Variants in FBN2 observed in about 807,000 individuals in gnomAD.
The protein encoded by FBN2 is fibrillin 2.
Under a neutral mutation model 355.6 loss-of-function variants are expected in FBN2, and 105 were observed. The ratio of observed to expected loss-of-function variants is 0.30; its 90% CI spans 0.25 to 0.35. The LOEUF is 0.35. Ranked by LOEUF, FBN2 falls within the 10% of genes least tolerant of loss-of-function variation. The pLI, the probability that FBN2 is intolerant of heterozygous loss-of-function variation, is 1.00. For synonymous variants in FBN2, 1,350 were observed against 1,301.2 expected (o/e 1.04, Z -0.81); for missense variants, 3,280 against 3,758.7 (o/e 0.87, Z 3.33).
intron 7 of FBN2, among the ~76,000 whole-genome samples, chr5:128,409,757 T>A (rs1032391301): frequency 6.6e-6 from 1 of 152,184 alleles, no homozygotes; most frequent in African/African-American, 2.4e-5. Flanking sequence ...AGATAATTAC[T>A]GAAAAGTCAA....
At chr5:128,519,870 G>A (rs1756383587) in intron 4 of FBN2, among the ~76,000 whole-genome samples, 1 of 151,538 alleles carries the variant, frequency 6.6e-6, no homozygotes, top group South Asian at 2.1e-4. Flanking sequence ...GGAAAAATCA[G>A]AGAAGAAAAG....
At chr5:128,434,422 A>T (rs866102750) in intron 7 of FBN2, among the ~76,000 whole-genome samples, 1 of 132,682 alleles carries the variant, frequency 7.5e-6, no homozygotes, top group Non-Finnish European at 1.5e-5. Context: ...ATATATATAT[A>T]TATGGGCAGT....
intron 7 of FBN2, among the ~76,000 whole-genome samples, chr5:128,431,934 A>C (rs1753638091): frequency 6.6e-6 from 1 of 152,184 alleles, no homozygotes; most frequent in Non-Finnish European, 1.5e-5. Context: ...GGAATTCACC[A>C]TTAAGATTTT....
At chr5:128,323,151 T>A (rs1179196483) in intron 34 of FBN2, among the ~76,000 whole-genome samples, 1 of 152,212 alleles carries the variant, frequency 6.6e-6, no homozygotes, top group Non-Finnish European at 1.5e-5. Flanking sequence ...CTTTAGGAGA[T>A]TTTGGGCCGA....
At chr5:128,288,994 G>C in intron 52 of FBN2, 133 bp downstream of exon 52, 1 of 868,700 alleles carries the variant, frequency 1.2e-6, no homozygotes, top group Non-Finnish European at 1.9e-6. Flanking sequence ...GACTGGTGAA[G>C]AAGGTGCCAC....
intron 3 of FBN2, among the ~76,000 whole-genome samples, chr5:128,530,286 T>TC (rs530363812): frequency 4.9e-4 from 75 of 152,232 alleles, no homozygotes; most frequent in African/African-American, 1.8e-3. Flanking sequence ...CTCCTCTCCT[T>TC]CCCCCTTAGA....
At chr5:128,299,203 G>A (rs866992172) in intron 48 of FBN2, among the ~76,000 whole-genome samples, 2 of 151,720 alleles carry the variant, frequency 1.3e-5, no homozygotes, top group Admixed American at 6.6e-5. Flanking sequence ...CAGATCTCCA[G>A]CTGCGTGCTG....
chr5:128,384,917 A>G (rs1355489239), intron 11 of FBN2, among the ~76,000 whole-genome samples: 3 of 152,150 alleles, frequency 2.0e-5, no homozygotes, highest in Non-Finnish European at 2.9e-5. Context: ...AAGCACAAAT[A>G]GGGAGCCTAG....
chr5:128,351,346 A>T (rs1751358105), intron 20 of FBN2, among the ~76,000 whole-genome samples: 1 of 152,318 alleles, frequency 6.6e-6, no homozygotes, highest in Middle Eastern at 3.4e-3. Context: ...CAGAAGTTCA[A>T]GACCAGCCTG....
In FBN2 at chr5:128,392,228, G is replaced by T. The variant is rs1752535360; in HGVS notation, c.1466-73C>A. Reference sequence around the variant, plus strand: ...TACTTTTCTGAATTGATTTTTAAAGGACATTTAATAGTAAATTAATTAGAT... The same window carrying T: ...TACTTTTCTGAATTGATTTTTAAAGTACATTTAATAGTAAATTAATTAGAT... On this transcript the variant is annotated intron_variant, in intron 10 of 64. Transcript: ENST00000262464. 1.7e-5 allele frequency: 22 copies of T among 1,307,208 alleles called. No individual in the cohort carries two copies. In the South Asian group the frequency reaches 2.6e-4, roughly 16 times the overall value. 81.0% of individuals were successfully genotyped at this position (1,307,208 alleles called of 1,614,324 possible).
At chr5:128,299,563 C>T (rs934909238) in intron 48 of FBN2, among the ~76,000 whole-genome samples, 5 of 152,140 alleles carry the variant, frequency 3.3e-5, no homozygotes, top group East Asian at 3.9e-4. Context: ...CCGCAGTATT[C>T]GGGTGGAAGT....
chr5:128,266,881 A>T (rs1765127397), intron 62 of FBN2, among the ~76,000 whole-genome samples: 1 of 152,008 alleles, frequency 6.6e-6, no homozygotes, highest in South Asian at 2.1e-4. Flanking sequence ...TCTGGGATAC[A>T]TGTGCAGAAT....
Position 128,305,983 on chromosome 5 carries a change from T to C in FBN2, c.5423-35A>G, listed in dbSNP as rs1268385619. On this transcript the variant is annotated intron_variant, in intron 42 of 64. Transcript: ENST00000262464. ...AACAGATTTGGTCAAATATATGTTG[T>C]TCTGTTTAATATACTTACCATATAA... 8 of 1,590,570 alleles carry C rather than the reference T, an allele frequency of 5.0e-6. No homozygotes were observed. In the East Asian group the frequency reaches 1.6e-4, roughly 31 times the overall value.
chr5:128,525,951 A>G (rs1044068588), intron 4 of FBN2, among the ~76,000 whole-genome samples: 7 of 152,160 alleles, frequency 4.6e-5, no homozygotes, highest in African/African-American at 1.4e-4. Flanking sequence ...CTGCACTACA[A>G]TGGCAGAGTT....
intron 14 of FBN2, among the ~76,000 whole-genome samples, chr5:128,376,134 A>T (rs906967247): frequency 3.9e-5 from 6 of 152,220 alleles, no homozygotes; most frequent in African/African-American, 7.2e-5. Flanking sequence ...TTGTGAGTAC[A>T]AACATAATAA....
chr5:128,446,974 G>T (rs989643235), intron 6 of FBN2, among the ~76,000 whole-genome samples: 1 of 152,068 alleles, frequency 6.6e-6, no homozygotes, highest in Non-Finnish European at 1.5e-5. Context: ...CATTTCTTAC[G>T]CCTGTCTTTA....
chr5:128,417,312 T>C (rs1364064287), intron 7 of FBN2, among the ~76,000 whole-genome samples: 3 of 152,196 alleles, frequency 2.0e-5, no homozygotes, highest in African/African-American at 7.2e-5. Context: ...GACAATTTGA[T>C]TTCCTCTTTT....
At chr5:128,350,551 A>G (rs1451250591) in intron 21 of FBN2, among the ~76,000 whole-genome samples, 3 of 152,204 alleles carry the variant, frequency 2.0e-5, no homozygotes, top group African/African-American at 7.2e-5. Context: ...CTCCGTCTCA[A>G]AAAAATAAAA....
intron 55 of FBN2, among the ~76,000 whole-genome samples, chr5:128,282,404 T>C (rs901439164): frequency 1.3e-5 from 2 of 152,178 alleles, no homozygotes; most frequent in Admixed American, 6.5e-5. Flanking sequence ...ATCCTATCCT[T>C]AATGTCATTC....
Sources: gnomAD v4.1 joint callset for allele counts (sites outside exome capture counted in the v4.1 genomes callset) on GRCh38, gnomAD v4.1.1 for gene constraint, MANE v1.5 for transcripts, NCBI Gene and HGNC (gene_info 2026-07-23, HGNC 2026-07-21) for gene names.